Variants in ULK4 observed in about 807,000 individuals in gnomAD.
The protein encoded by ULK4 is unc-51 like kinase 4, also known as inactive serine/threonine-protein kinase ULK4.
A neutral mutation model predicts 160.6 loss-of-function variants in ULK4; 133 were observed. The ratio of observed to expected loss-of-function variants is 0.83; its 90% confidence interval spans 0.72 to 0.96. The LOEUF is 0.96. Ranked by LOEUF, ULK4 falls within the 40% of genes least tolerant of loss-of-function variation. The pLI is 0.00. For synonymous variants in ULK4, 534 were observed against 539.8 expected (o/e 0.99, Z 0.15); for missense variants, 1,580 against 1,499.5 (o/e 1.05, Z -0.89).
chr3:41,507,633 A>C (rs899853541), intron 32 of ULK4, among the ~76,000 whole-genome samples: 11 of 151,110 alleles, frequency 7.3e-5, no homozygotes, highest in African/African-American at 2.2e-4. Flanking sequence ...AAAAAAAAAA[A>C]AAAAAACTGA....
At chr3:41,747,694 C>A (rs1445049350) in intron 22 of ULK4, among the ~76,000 whole-genome samples, 1 of 152,014 alleles carries the variant, frequency 6.6e-6, no homozygotes, top group Non-Finnish European at 1.5e-5. Context: ...GGCACCTAAT[C>A]CAGCAGCAAT....
Position 41,825,996 on chromosome 3 carries a change from A to G in ULK4, c.1765-6490T>C, listed in dbSNP as rs542036476. Among the ~76,000 whole-genome samples the G allele has an allele frequency of 3.8e-3, 584 of 152,296 alleles. 2 individuals are homozygous for G. Among genetic ancestry groups the G allele is most frequent in the African/African-American group, 0.013 (536 of 41,558 alleles). On this transcript the variant is annotated intron_variant, in intron 18 of 36. Transcript: ENST00000301831. ...CTCTACAAGCCAGAAGAGAGTGGGG[A>G]CCAATATTCAACATTCTTAAAGAAA...
At chr3:41,686,292 C>T (rs992233897) in intron 27 of ULK4, among the ~76,000 whole-genome samples, 3 of 152,044 alleles carry the variant, frequency 2.0e-5, no homozygotes, top group Non-Finnish European at 4.4e-5. Flanking sequence ...TGTATATACA[C>T]AAATATAAAA....
At chr3:41,648,134 A>AC (rs1307964984) in intron 30 of ULK4, among the ~76,000 whole-genome samples, 1 of 152,106 alleles carries the variant, frequency 6.6e-6, no homozygotes, top group African/African-American at 2.4e-5. Flanking sequence ...GAACTCCCTG[A>AC]CCCCTTGCGC....
chr3:41,577,184 T>G (rs2088219328), intron 31 of ULK4, among the ~76,000 whole-genome samples: 1 of 152,070 alleles, frequency 6.6e-6, no homozygotes, highest in Non-Finnish European at 1.5e-5. Context: ...AAAAGCACAA[T>G]GTGGTAGAGC....
chr3:41,622,000 CAT>C lies in ULK4; in HGVS notation c.3072-6285_3072-6284del, dbSNP rs1302665163. Among the ~76,000 whole-genome samples, 13 of 152,222 alleles carry C rather than the reference CAT, an allele frequency of 8.5e-5. No individual in the cohort carries two copies. The South Asian group carries it at 2.5e-3, about 29-fold the overall frequency. On this transcript the variant is annotated intron_variant, in intron 30 of 36. Coordinates refer to ENST00000301831, the MANE Select transcript of ULK4 (RefSeq NM_017886.4). ...AGAAGACATTTACGTGGCCAACAAACATATGAAAAAGAGCCATCATCACTGGT... is the reference window on the plus strand; with the variant it reads ...AGAAGACATTTACGTGGCCAACAAACATGAAAAAGAGCCATCATCACTGGT...
intron 2 of ULK4, among the ~76,000 whole-genome samples, chr3:41,947,890 T>C (rs766525277): frequency 3.9e-5 from 6 of 152,088 alleles, no homozygotes; most frequent in South Asian, 2.1e-4. Context: ...GCTTTTGGTG[T>C]TGAAGTGAGT....
At chr3:41,399,408 A>T (rs993809302) in intron 34 of ULK4, among the ~76,000 whole-genome samples, 1 of 152,180 alleles carries the variant, frequency 6.6e-6, no homozygotes, top group Non-Finnish European at 1.5e-5. Context: ...AAGTCCCTTA[A>T]CAAATACATA....
At chr3:41,469,627 A>AC (rs2083925457) in intron 32 of ULK4, among the ~76,000 whole-genome samples, 2 of 142,898 alleles carry the variant, frequency 1.4e-5, no homozygotes, top group East Asian at 2.2e-4. Context: ...AAAAAAAAAA[A>AC]CACCTTAAAA....
chr3:41,596,805 A>T (rs1172750247), intron 31 of ULK4, among the ~76,000 whole-genome samples: 1 of 152,192 alleles, frequency 6.6e-6, no homozygotes, highest in Non-Finnish European at 1.5e-5. Context: ...CATTCATATG[A>T]AAATGAAAGT....
chr3:41,878,185 G>T (rs1697380708), intron 17 of ULK4, among the ~76,000 whole-genome samples: 1 of 151,618 alleles, frequency 6.6e-6, no homozygotes, highest in Non-Finnish European at 1.5e-5. Context: ...TTCAAAACTA[G>T]GGGTTGACTA....
At chr3:41,822,447 C>T (rs892777178) in intron 18 of ULK4, among the ~76,000 whole-genome samples, 13 of 151,946 alleles carry the variant, frequency 8.6e-5, no homozygotes, top group African/African-American at 1.7e-4. Context: ...TACCAAGTTT[C>T]GCTCTTGTTG....
intron 33 of ULK4, among the ~76,000 whole-genome samples, chr3:41,459,844 G>A (rs1406021809): frequency 1.3e-5 from 2 of 152,166 alleles, no homozygotes; most frequent in Non-Finnish European, 1.5e-5. Context: ...AGATGAGCTG[G>A]AAAGGTACCC....
At chr3:41,712,224 A>T (rs552552094) in intron 25 of ULK4, among the ~76,000 whole-genome samples, 1 of 152,372 alleles carries the variant, frequency 6.6e-6, no homozygotes, top group South Asian at 2.1e-4. Context: ...TCAAATAGGC[A>T]AACCATGCCC....
chr3:41,833,510 A>T (rs1291908697), intron 18 of ULK4, among the ~76,000 whole-genome samples: 2 of 151,666 alleles, frequency 1.3e-5, no homozygotes, highest in Non-Finnish European at 2.9e-5. Context: ...ATTAGCCGGG[A>T]TGGTTTTGAT....
intron 35 of ULK4, among the ~76,000 whole-genome samples, chr3:41,320,350 A>G (rs2080222940): frequency 6.6e-6 from 1 of 152,218 alleles, no homozygotes; most frequent in African/African-American, 2.4e-5. Flanking sequence ...TATTACCTTG[A>G]TAGTGATGAC....
At chr3:41,626,377 G>T (rs2033507052) in intron 30 of ULK4, among the ~76,000 whole-genome samples, 3 of 151,900 alleles carry the variant, frequency 2.0e-5, no homozygotes, top group Non-Finnish European at 2.9e-5. Flanking sequence ...ATTTAAATTA[G>T]GATAATTATT....
intron 34 of ULK4, among the ~76,000 whole-genome samples, chr3:41,403,115 A>G (rs1575517815): frequency 6.6e-6 from 1 of 151,370 alleles, no homozygotes; most frequent in African/African-American, 2.4e-5. Flanking sequence ...ATGCCATTGC[A>G]CTCCAGCCTG....
intron 34 of ULK4, among the ~76,000 whole-genome samples, chr3:41,440,717 AT>A (rs1472465534): frequency 1.3e-5 from 2 of 152,040 alleles, no homozygotes; most frequent in Non-Finnish European, 2.9e-5. Context: ...GATTTTGTAA[AT>A]TTGGTTATTA....
Sources: allele counts gnomAD v4.1 joint callset (sites outside exome capture counted in the v4.1 genomes callset), GRCh38; gene constraint gnomAD v4.1.1; transcripts MANE v1.5; gene names NCBI Gene and HGNC (gene_info 2026-07-23, HGNC 2026-07-21).